PCDH11X: variants seen among roughly 807,000 people sequenced by gnomAD.
PCDH11X encodes protocadherin-11 X-linked.
Under a neutral mutation model 53.3 loss-of-function variants are expected in PCDH11X, and 18 were observed. The ratio of observed to expected loss-of-function variants is 0.34; its 90% confidence interval spans 0.23 to 0.50. The LOEUF (loss-of-function observed/expected upper bound fraction) is 0.50. Ranked by LOEUF, PCDH11X falls within the 20% of genes least tolerant of loss-of-function variation. The pLI is 0.98. For synonymous variants in PCDH11X, 279 were observed against 393.3 expected (o/e 0.71, Z 3.44); for missense variants, 570 against 1,032.4 (o/e 0.55, Z 6.14).
chrX:91,973,126 A>G (rs1419510309), intron 6 of PCDH11X, among the ~76,000 whole-genome samples: 1 of 108,901 alleles, frequency 9.2e-6, no homozygotes, highest in African/African-American at 3.3e-5. Context: ...TGATGAGTTC[A>G]TGTCCTTTGT....
intron 5 of PCDH11X, among the ~76,000 whole-genome samples, chrX:91,865,189 T>C (rs1262990871): frequency 1.8e-5 from 2 of 109,742 alleles, no homozygotes; most frequent in Non-Finnish European, 3.8e-5. Flanking sequence ...TTGAAAGGGC[T>C]TTGGTATTGT....
chrX:92,224,285 C>A (rs1193276088), intron 7 of PCDH11X, among the ~76,000 whole-genome samples: 1 of 112,048 alleles, frequency 8.9e-6, no homozygotes, highest in Non-Finnish European at 1.9e-5. Flanking sequence ...GTAATTTTAC[C>A]AGCAGACCAT....
At chrX:91,904,296 T>C (rs62606452) in intron 6 of PCDH11X, among the ~76,000 whole-genome samples, 15,090 of 109,285 alleles carry the variant, frequency 0.14, 858 homozygotes, top group East Asian at 0.24. Flanking sequence ...TAGCACAGTT[T>C]AACATATGAT....
intron 7 of PCDH11X, among the ~76,000 whole-genome samples, chrX:92,239,324 G>A (rs760782799): frequency 4.5e-5 from 5 of 111,023 alleles, no homozygotes; most frequent in Non-Finnish European, 9.5e-5. Flanking sequence ...GAGTCCACCA[G>A]GCGTAGACTT....
intron 5 of PCDH11X, among the ~76,000 whole-genome samples, chrX:91,858,617 A>G (rs1430974415): frequency 1.8e-5 from 2 of 109,440 alleles, no homozygotes; most frequent in Non-Finnish European, 3.8e-5. Context: ...TGCTGCTTAG[A>G]AATTTCTTCT....
At chrX:92,391,939 T>C (rs1469384289) in intron 9 of PCDH11X, among the ~76,000 whole-genome samples, 1 of 111,270 alleles carries the variant, frequency 9.0e-6, no homozygotes, top group Non-Finnish European at 1.9e-5. Flanking sequence ...TCAGTTCAAT[T>C]GCAGAGAAAA....
At chrX:92,301,548 C>T (rs1387045113) in intron 8 of PCDH11X, among the ~76,000 whole-genome samples, 39 of 110,916 alleles carry the variant, frequency 3.5e-4, no homozygotes, top group African/African-American at 1.3e-3. Context: ...ATCATGGGGT[C>T]TCCTGCTACC....
intron 8 of PCDH11X, among the ~76,000 whole-genome samples, chrX:92,289,062 G>A (rs2068440390): frequency 9.0e-6 from 1 of 111,215 alleles, no homozygotes; most frequent in South Asian, 3.8e-4. Context: ...TTTTGTATTG[G>A]AACTATCAAA....
At chrX:92,571,925 G>A (rs2750563) in intron 10 of PCDH11X, among the ~76,000 whole-genome samples, 2 of 112,122 alleles carry the variant, frequency 1.8e-5, no homozygotes, top group African/African-American at 3.2e-5. Flanking sequence ...TTTGAAAATC[G>A]TAATATTAAA....
At chrX:91,904,361 A>G (rs922954238) in intron 6 of PCDH11X, among the ~76,000 whole-genome samples, 4 of 109,685 alleles carry the variant, frequency 3.6e-5, no homozygotes, top group African/African-American at 1.3e-4. Flanking sequence ...ACATTTCATC[A>G]TCACTATATA....
At chrX:91,811,002 T>G (rs1936276565) in intron 3 of PCDH11X, 1 of 146,478 alleles carries the variant, frequency 6.8e-6, no homozygotes, top group Non-Finnish European at 1.2e-5. Flanking sequence ...AGCAGAGACT[T>G]CACTCCAGTT....
chrX:92,475,678 C>T (rs1257003704), intron 10 of PCDH11X, among the ~76,000 whole-genome samples: 3 of 111,363 alleles, frequency 2.7e-5, no homozygotes, highest in African/African-American at 9.8e-5. Flanking sequence ...GTTAAATCTC[C>T]TTGATGTTCT....
At chrX:92,193,837 A>G (rs1377802172) in intron 6 of PCDH11X, among the ~76,000 whole-genome samples, 1 of 111,760 alleles carries the variant, frequency 8.9e-6, no homozygotes, top group Non-Finnish European at 1.9e-5. Context: ...CAGCCTTTTG[A>G]GCTTTTCAAA....
At chrX:92,163,716 C>A (rs1452362917) in intron 6 of PCDH11X, among the ~76,000 whole-genome samples, 1 of 110,939 alleles carries the variant, frequency 9.0e-6, no homozygotes, top group Admixed American at 9.6e-5. Flanking sequence ...AGGAGCAATC[C>A]ACTTCCTTCA....
chrX:92,190,368 T>C (rs1191633918), intron 6 of PCDH11X, among the ~76,000 whole-genome samples: 3 of 111,925 alleles, frequency 2.7e-5, no homozygotes, highest in Non-Finnish European at 5.6e-5. Context: ...GAAGATCAGA[T>C]GGTTGTACGT....
At chrX:92,084,288 C>T (rs2063911469) in intron 6 of PCDH11X, among the ~76,000 whole-genome samples, 1 of 110,271 alleles carries the variant, frequency 9.1e-6, no homozygotes, top group Non-Finnish European at 1.9e-5. Context: ...TGGCTAACAC[C>T]TGTAATCCCA....
intron 1 of PCDH11X, among the ~76,000 whole-genome samples, chrX:91,808,281 G>C (rs1247118135): frequency 1.9e-5 from 2 of 107,178 alleles, no homozygotes; most frequent in African/African-American, 6.8e-5. Context: ...CAAATCATGA[G>C]GTCAGGAGTT....
intron 6 of PCDH11X, among the ~76,000 whole-genome samples, chrX:91,896,971 A>G (rs1341108377): frequency 1.1e-5 from 1 of 89,939 alleles, no homozygotes; most frequent in Non-Finnish European, 2.1e-5. Context: ...ATTCTCTTCT[A>G]TTTAAGCTCA....
chrX:91,940,574 AG>A (rs772881589), intron 6 of PCDH11X, among the ~76,000 whole-genome samples: 1 of 111,022 alleles, frequency 9.0e-6, no homozygotes, highest in East Asian at 2.9e-4. Flanking sequence ...TCTGTTGCCT[AG>A]TCTGGAGTGC....
Sources: gnomAD v4.1 joint callset for allele counts (sites outside exome capture counted in the v4.1 genomes callset) on GRCh38, gnomAD v4.1.1 for gene constraint, MANE v1.5 for transcripts, NCBI Gene and HGNC (gene_info 2026-07-23, HGNC 2026-07-21) for gene names.